The following TMPRSS9 variants were observed in gnomAD, a reference collection of about 807,000 sequenced individuals.
TMPRSS9 encodes transmembrane serine protease 9.
TMPRSS9 carries 113 observed loss-of-function variants against 111.4 expected under a neutral mutation model. The ratio of observed to expected loss-of-function variants is 1.01; its 90% CI spans 0.87 to 1.19. TMPRSS9 has a LOEUF of 1.19. TMPRSS9 is among the 50% of genes most tolerant of loss of function. The pLI, the probability that TMPRSS9 is intolerant of heterozygous loss-of-function variation, is 0.00. For missense variants in TMPRSS9, 1,803 were observed against 1,513.1 expected, an observed-to-expected ratio of 1.19 and a Z score of -3.18; for synonymous variants, 805 against 659.1, an observed-to-expected ratio of 1.22 and a Z score of -3.39.
intron 1 of TMPRSS9, among the ~76,000 whole-genome samples, chr19:2,361,856 G>A (rs986440675): frequency 3.9e-5 from 6 of 152,036 alleles, no homozygotes; most frequent in South Asian, 2.1e-4. Context: ...TGTGGGCCGC[G>A]TGGTGGCCAC....
At chr19:2,383,525 C>A (rs990270127) in intron 1 of TMPRSS9, among the ~76,000 whole-genome samples, 4 of 150,618 alleles carry the variant, frequency 2.7e-5, no homozygotes, top group Admixed American at 6.7e-5. Context: ...TTCTTAGAGG[C>A]AGGGTCTCCC....
At chr19:2,394,590 C>G in intron 1 of TMPRSS9, among the ~76,000 whole-genome samples, 1 of 23,318 alleles carries the variant, frequency 4.3e-5, no homozygotes, top group East Asian at 3.0e-3. Context: ...CACCAGGGTG[C>G]TCGTGTTTCT....
intron 17 of TMPRSS9, 147 bp from the exon 19 acceptor site, chr19:2,425,780 C>T (rs1971608944): frequency 4.7e-6 from 6 of 1,278,746 alleles, no homozygotes; most frequent in Middle Eastern, 2.8e-4. Context: ...AAATGTCTGC[C>T]ACCTTTGCAT....
chr19:2,404,415 C>T (rs148157510), intron 6 of TMPRSS9, among the ~76,000 whole-genome samples: 2,537 of 151,990 alleles, frequency 0.017, 76 homozygotes, highest in African/African-American at 0.058. Flanking sequence ...CAGTGGGTCA[C>T]GCCTGTAATC....
At chr19:2,377,281 G>A (rs150147972) in intron 1 of TMPRSS9, among the ~76,000 whole-genome samples, 11 of 111,446 alleles carry the variant, frequency 9.9e-5, no homozygotes, top group African/African-American at 2.4e-4. Context: ...ATGTATGTAT[G>A]TATGTATGTA....
At position 2,425,689 on chromosome 19, in the gene TMPRSS9, C is replaced by G. The variant is rs534406165; in HGVS notation, c.3120+196C>G. The G allele has an allele frequency of 5.7e-6, 7 of 1,231,616 alleles. No homozygotes were observed. The East Asian group carries it at 1.5e-4, about 26-fold the overall frequency. The allele number at this position is 1,231,616 out of a possible 1,614,324, so 76.3% of individuals were successfully genotyped here. On this transcript the variant is annotated intron_variant, in intron 17 of 17. Coordinates refer to ENST00000648592, the Ensembl canonical transcript of TMPRSS9. ...TATTGGGCAACCCACCGCATCCCAT[C>G]CCCGGGCCTCGGCGGCAGAGCAGGC...
At chr19:2,421,750 G>A (rs1415518211) in intron 13 of TMPRSS9, 104 bp from the exon 15 acceptor site, 8 of 1,295,184 alleles carry the variant, frequency 6.2e-6, no homozygotes, top group East Asian at 2.4e-5. Flanking sequence ...TCTGCCCCCC[G>A]CCCTCGATGG....
intron 1 of TMPRSS9, among the ~76,000 whole-genome samples, chr19:2,380,984 G>T (rs4807249): frequency 0.45 from 68,905 of 151,734 alleles, 16,458 homozygotes; most frequent in East Asian, 0.6. Context: ...CTCCCCTGAC[G>T]GCGTGTCTAA....
intron 8 of TMPRSS9, among the ~76,000 whole-genome samples, chr19:2,409,550 A>G (rs1002293309): frequency 3.3e-5 from 5 of 152,072 alleles, no homozygotes; most frequent in Non-Finnish European, 7.4e-5. Flanking sequence ...CAGCCACAAG[A>G]TGACTGACAG....
At chr19:2,367,550 A>T (rs1303801374) in intron 1 of TMPRSS9, among the ~76,000 whole-genome samples, 1 of 144,724 alleles carries the variant, frequency 6.9e-6, no homozygotes, top group African/African-American at 2.6e-5. Context: ...GTGCACCACC[A>T]TGACTGGCTA....
intron 13 of TMPRSS9, among the ~76,000 whole-genome samples, chr19:2,421,398 C>T (rs1319162259): frequency 6.6e-6 from 1 of 151,602 alleles, no homozygotes; most frequent in African/African-American, 2.4e-5. Context: ...ACGCCATTCT[C>T]CTGCCTCAGC....
At chr19:2,363,306 T>C (rs1467972302) in intron 1 of TMPRSS9, among the ~76,000 whole-genome samples, 3 of 152,200 alleles carry the variant, frequency 2.0e-5, no homozygotes. Flanking sequence ...TTGCCCAGGC[T>C]GGGGACTCTG....
In TMPRSS9 at chr19:2,410,271, G is replaced by C; in HGVS notation, c.1131G>C (p.Glu377Asp). Residue 377 changes from glutamate (E) to aspartate (D), a missense_variant, in exon 9 of 18, where the codon GAG becomes GAC. Physicochemically the swap from Glu to Asp is conservative, Grantham distance 45. Coordinates refer to ENST00000648592, the Ensembl canonical transcript of TMPRSS9. ...CCATTCGGCCAGTGGTCAAGCCAGAGGTGCTGCAGAAAGCCACTGTGGAGC... is the reference window on the plus strand; with the variant it reads ...CCATTCGGCCAGTGGTCAAGCCAGACGTGCTGCAGAAAGCCACTGTGGAGC... 1 of 1,613,990 alleles carries C rather than the reference G, an allele frequency of 6.2e-7. No homozygotes were observed.
chr19:2,417,126 G>A (rs952644537), intron 12 of TMPRSS9, among the ~76,000 whole-genome samples: 1 of 152,164 alleles, frequency 6.6e-6, no homozygotes, highest in African/African-American at 2.4e-5. Context: ...GACAGAGACT[G>A]GCCCTTAAAG....
intron 1 of TMPRSS9, among the ~76,000 whole-genome samples, chr19:2,364,192 G>GTGAA (rs146229451): frequency 0.19 from 28,566 of 151,342 alleles, 3,834 homozygotes; most frequent in African/African-American, 0.38. Context: ...AAATAAATAA[G>GTGAA]TGAATGAATG....
intron 1 of TMPRSS9, among the ~76,000 whole-genome samples, chr19:2,366,582 G>T (rs933701825): frequency 2.7e-5 from 4 of 149,784 alleles, no homozygotes; most frequent in African/African-American, 9.8e-5. Context: ...CAGGGGCTGG[G>T]TGCGGTGGCT....
chr19:2,372,045 T>A (rs746351910), intron 1 of TMPRSS9, among the ~76,000 whole-genome samples: 2 of 152,160 alleles, frequency 1.3e-5, no homozygotes, highest in African/African-American at 2.4e-5. Flanking sequence ...CTAAATTTTA[T>A]ATTTTTAGTA....
At chr19:2,370,561 T>A (rs890002591) in intron 1 of TMPRSS9, among the ~76,000 whole-genome samples, 8 of 152,116 alleles carry the variant, frequency 5.3e-5, no homozygotes, top group African/African-American at 1.7e-4. Flanking sequence ...ACCCCTGGCC[T>A]CAAGTGATCC....
chr19:2,420,049 G>C (rs1245818261), intron 13 of TMPRSS9, among the ~76,000 whole-genome samples: 1 of 152,110 alleles, frequency 6.6e-6, no homozygotes, highest in East Asian at 1.9e-4. Context: ...TGTGGTCCCA[G>C]CTCCTTGGGC....
Sources: allele counts gnomAD v4.1 joint callset (sites outside exome capture counted in the v4.1 genomes callset), GRCh38; gene constraint gnomAD v4.1.1; transcripts MANE v1.5; gene names NCBI Gene and HGNC (gene_info 2026-07-23, HGNC 2026-07-21).